SNX8: variants seen among roughly 807,000 people sequenced by gnomAD.
SNX8 encodes sorting nexin 8, also known as sorting nexin-8.
SNX8 carries 25 observed loss-of-function variants against 51.6 expected under a neutral mutation model. That is an observed-to-expected ratio of 0.48 (90% CI 0.35 to 0.68). The LOEUF (loss-of-function observed/expected upper bound fraction) is 0.68, where lower values mean the gene tolerates loss of function less well. Ranked by LOEUF, SNX8 falls within the 30% of genes least tolerant of loss-of-function variation. SNX8 has a pLI of 0.00. For synonymous variants in SNX8, 324 were observed against 277.0 expected (o/e 1.17, Z -1.68); for missense variants, 695 against 624.0 (o/e 1.11, Z -1.21).
chr7:2,261,628 C>T (rs1795338782), intron 7 of SNX8, among the ~76,000 whole-genome samples: 1 of 152,186 alleles, frequency 6.6e-6, no homozygotes, highest in African/African-American at 2.4e-5. Flanking sequence ...GTTCTCGGTC[C>T]CCTCCACCTG....
At chr7:2,350,376 T>C (rs1779113290) in intron 1 of SNX8, among the ~76,000 whole-genome samples, 1 of 152,216 alleles carries the variant, frequency 6.6e-6, no homozygotes, top group Admixed American at 6.5e-5. Flanking sequence ...CATTTTTCAT[T>C]TTCATAGTTA....
At chr7:2,284,127 A>G (rs1795968559) in intron 1 of SNX8, among the ~76,000 whole-genome samples, 1 of 151,976 alleles carries the variant, frequency 6.6e-6, no homozygotes, top group African/African-American at 2.4e-5. Context: ...ATGGGGTTTC[A>G]CCATGTTGTC....
intron 1 of SNX8, among the ~76,000 whole-genome samples, chr7:2,313,013 T>C (rs1038524837): frequency 1.3e-4 from 20 of 152,058 alleles, no homozygotes; most frequent in Non-Finnish European, 2.6e-4. Context: ...TTCTCCTGCC[T>C]CAGCCTCCCG....
upstream of SNX8, among the ~76,000 whole-genome samples, chr7:2,314,779 T>A (rs1213389730): frequency 1.3e-5 from 2 of 152,216 alleles, no homozygotes; most frequent in Admixed American, 1.3e-4. Flanking sequence ...ACGCCCTTGT[T>A]CGCTCATTCA....
At chr7:2,258,688 G>A (rs370499278) in intron 7 of SNX8, among the ~76,000 whole-genome samples, 2 of 152,198 alleles carry the variant, frequency 1.3e-5, no homozygotes, top group Non-Finnish European at 2.9e-5. Context: ...CAGGAAGGAC[G>A]TGCTGCTGAT....
At chr7:2,267,545 C>A (rs1434159708) in intron 5 of SNX8, among the ~76,000 whole-genome samples, 7 of 133,818 alleles carry the variant, frequency 5.2e-5, no homozygotes, top group African/African-American at 1.9e-4. Context: ...AGCCCCTAAC[C>A]GCGAGTGATC....
chr7:2,309,731 CA>C (rs973442450), intron 1 of SNX8: 40,071 of 322,598 alleles, frequency 0.12, no homozygotes, highest in South Asian at 0.2. Context: ...GACTCCATCT[CA>C]AAAAAAAAAA....
chr7:2,270,734 A>G (rs1795624546), intron 4 of SNX8, among the ~76,000 whole-genome samples: 1 of 152,182 alleles, frequency 6.6e-6, no homozygotes, highest in Non-Finnish European at 1.5e-5. Context: ...TCTCAGGCAC[A>G]GGGGGAAGGC....
In SNX8 at chr7:2,269,575, A is replaced by G; in HGVS notation, c.605T>C (p.Leu202Pro). ...GAAAAATACCTTGGCCCTGGTAGCCAGCTTACAGTTCAGGAATTCGTCCCC... is the reference window on the plus strand; with the variant it reads ...GAAAAATACCTTGGCCCTGGTAGCCGGCTTACAGTTCAGGAATTCGTCCCC... ...CVGDEFLNCK[L>P]ATRAKDFLPA... is the part of the protein sequence containing the mutation. Residue 202 changes from leucine (L) to proline (P), a missense_variant, in exon 5 of 11, where the codon CTG becomes CCG. Coordinates refer to ENST00000222990, the MANE Select transcript of SNX8 (RefSeq NM_013321.4). The G allele has an allele frequency of 1.3e-6, 2 of 1,570,292 alleles. No individual in the cohort carries two copies. Among genetic ancestry groups the G allele is most frequent in the Non-Finnish European group, 1.7e-6 (2 of 1,160,824 alleles).
chr7:2,280,688 T>C (rs1192509561), intron 1 of SNX8, among the ~76,000 whole-genome samples: 1 of 152,180 alleles, frequency 6.6e-6, no homozygotes, highest in East Asian at 1.9e-4. Context: ...CAAAGACACT[T>C]CTTTAACTCT....
At chr7:2,342,498 T>C (rs1778950304) in intron 1 of SNX8, among the ~76,000 whole-genome samples, 1 of 151,692 alleles carries the variant, frequency 6.6e-6, no homozygotes, top group Non-Finnish European at 1.5e-5. Flanking sequence ...TACTAAAAAA[T>C]ACAAAAATCA....
chr7:2,304,938 C>CAGTAA (rs1275392203), intron 1 of SNX8, among the ~76,000 whole-genome samples: 1 of 152,176 alleles, frequency 6.6e-6, no homozygotes, highest in Admixed American at 6.5e-5. Context: ...GAACTGTGCC[C>CAGTAA]AGTAATGAAT....
chr7:2,285,896 T>G (rs1796016161), intron 1 of SNX8, among the ~76,000 whole-genome samples: 1 of 152,192 alleles, frequency 6.6e-6, no homozygotes, highest in South Asian at 2.1e-4. Context: ...TTGCCCAGGC[T>G]GGTCTCGAAC....
At chr7:2,277,626 C>G (rs1795810850) in intron 2 of SNX8, among the ~76,000 whole-genome samples, 1 of 119,272 alleles carries the variant, frequency 8.4e-6, no homozygotes, top group Non-Finnish European at 1.8e-5. Context: ...TGGTGAAACC[C>G]TGTCTCTACT....
intron 7 of SNX8, 42 bp from the exon 8 acceptor site, chr7:2,257,845 G>C: frequency 1.3e-6 from 2 of 1,586,200 alleles, no homozygotes; most frequent in Non-Finnish European, 1.7e-6. Flanking sequence ...ACGCACATAG[G>C]ACCCGGTCCC....
chr7:2,343,377 T>G (rs1211169100), intron 1 of SNX8, among the ~76,000 whole-genome samples: 1 of 151,908 alleles, frequency 6.6e-6, no homozygotes, highest in Non-Finnish European at 1.5e-5. Context: ...AGCCTGAACT[T>G]ACAAAGAGCT....
At chr7:2,267,859 G>T (rs1298538298) in intron 5 of SNX8, among the ~76,000 whole-genome samples, 3 of 116,964 alleles carry the variant, frequency 2.6e-5, no homozygotes, top group Non-Finnish European at 5.3e-5. Flanking sequence ...TCCCATCTAG[G>T]AAGTGAGGAG....
At chr7:2,331,879 C>CA (rs957603157) in intron 1 of SNX8, among the ~76,000 whole-genome samples, 3 of 150,382 alleles carry the variant, frequency 2.0e-5, no homozygotes, top group East Asian at 2.0e-4. Flanking sequence ...GATTCTGTCT[C>CA]AAAAAAAAGA....
At chr7:2,264,788 C>T (rs904010967) in intron 5 of SNX8, among the ~76,000 whole-genome samples, 3 of 152,218 alleles carry the variant, frequency 2.0e-5, no homozygotes, top group African/African-American at 7.2e-5. Flanking sequence ...GTAATCCCAG[C>T]ACTTTGGAGG....
Sources: allele counts gnomAD v4.1 joint callset (sites outside exome capture counted in the v4.1 genomes callset), GRCh38; gene constraint gnomAD v4.1.1; transcripts MANE v1.5; gene names NCBI Gene and HGNC (gene_info 2026-07-23, HGNC 2026-07-21).